Variants in COL24A1 observed in about 807,000 individuals in gnomAD.
COL24A1 encodes the protein collagen alpha-1(XXIV) chain.
A neutral mutation model predicts 253.9 loss-of-function variants in COL24A1; 224 were observed. That is an observed-to-expected ratio of 0.88 (90% CI 0.79 to 0.99). The LOEUF (loss-of-function observed/expected upper bound fraction) is 0.99. Among genes scored for constraint, COL24A1 ranks in the 50% least tolerant of loss-of-function variants. COL24A1 has a pLI of 0.00. For missense variants in COL24A1, 2,131 were observed against 2,068.5 expected (o/e 1.03, Z -0.59); for synonymous variants, 685 against 673.7 (o/e 1.02, Z -0.26).
At chr1:85,938,529 G>T (rs55890217) in intron 24 of COL24A1, among the ~76,000 whole-genome samples, 2 of 146,338 alleles carry the variant, frequency 1.4e-5, no homozygotes, top group Non-Finnish European at 3.0e-5. Flanking sequence ...GCAGTGCTAG[G>T]GGCTGTAATT....
intron 18 of COL24A1, among the ~76,000 whole-genome samples, chr1:86,019,394 AT>A (rs60247166): frequency 0.68 from 101,095 of 147,782 alleles, 35,043 homozygotes; most frequent in East Asian, 0.83. Flanking sequence ...GGTTTCTACA[AT>A]TTTTTTTTTT....
At chr1:85,858,416 C>T (rs1678701726) in intron 37 of COL24A1, among the ~76,000 whole-genome samples, 1 of 151,872 alleles carries the variant, frequency 6.6e-6, no homozygotes, top group African/African-American at 2.4e-5. Flanking sequence ...TTTTTAAAAC[C>T]CCTTCTGCCT....
intron 24 of COL24A1, among the ~76,000 whole-genome samples, chr1:85,922,730 C>A (rs980568379): frequency 3.3e-5 from 5 of 152,138 alleles, no homozygotes; most frequent in Non-Finnish European, 7.4e-5. Flanking sequence ...ATTGTAAAGA[C>A]CATCAATGCT....
chr1:85,866,416 GA>G (rs1195926370), intron 37 of COL24A1, among the ~76,000 whole-genome samples: 3 of 152,078 alleles, frequency 2.0e-5, no homozygotes, highest in African/African-American at 7.2e-5. Flanking sequence ...AGGTTATTGG[GA>G]GGATTCTATG....
intron 24 of COL24A1, among the ~76,000 whole-genome samples, chr1:85,927,230 TGCGCGAGCCGAA>T (rs1191128037): frequency 6.6e-6 from 1 of 151,460 alleles, no homozygotes; most frequent in Non-Finnish European, 1.5e-5. Flanking sequence ...GTGCGCACCG[TGCGCGAGCCGAA>T]GCAGGGCAAG....
chr1:86,043,298 C>T (rs1699643118), intron 12 of COL24A1, among the ~76,000 whole-genome samples: 1 of 151,892 alleles, frequency 6.6e-6, no homozygotes, highest in Non-Finnish European at 1.5e-5. Context: ...ACCCAGAAAT[C>T]AAAACATATC....
At chr1:85,991,926 T>C (rs190671872) in intron 19 of COL24A1, among the ~76,000 whole-genome samples, 3 of 152,014 alleles carry the variant, frequency 2.0e-5, no homozygotes, top group Admixed American at 6.5e-5. Flanking sequence ...TATTTTTTAT[T>C]ATACTTTAAG....
At position 85,889,613 on chromosome 1, in the gene COL24A1, C is replaced by T. The variant is rs762052966; in HGVS notation, c.2923G>A (p.Gly975Ser). The T allele has an allele frequency of 6.2e-7, 1 of 1,612,898 alleles. No individual in the cohort carries two copies. The highest frequency in any genetic ancestry group is 8.5e-7 in the Non-Finnish European group (1 of 1,179,192). The change falls in exon 32 of 60, where the codon GGT (glycine) becomes AGT (serine). Residue 975 changes from glycine to serine, a missense_variant and splice_region_variant. Gly to Ser is a moderately conservative substitution (Grantham distance 56). Coordinates refer to ENST00000370571, the MANE Select transcript of COL24A1 (RefSeq NM_152890.7). Reference sequence around the variant, plus strand: ...GTACTTCCAGGCAATCCCTGTAAACCCTGGACAAATAAAGGCAATACTTGT... The same window carrying T: ...GTACTTCCAGGCAATCCCTGTAAACTCTGGACAAATAAAGGCAATACTTGT... ...PGERGFQGKP[G>S]LQGLPGSTGD...
chr1:85,834,008 C>G (rs1461176998), intron 43 of COL24A1, among the ~76,000 whole-genome samples: 6 of 150,686 alleles, frequency 4.0e-5, no homozygotes, highest in Admixed American at 1.3e-4. Flanking sequence ...GGAGCTATAC[C>G]TAATGCTAAA....
intron 56 of COL24A1, among the ~76,000 whole-genome samples, chr1:85,745,131 A>AAT (rs1665069546): frequency 1.3e-5 from 2 of 152,114 alleles, no homozygotes; most frequent in African/African-American, 2.4e-5. Flanking sequence ...GAGTAGTGAT[A>AAT]ATATATATAT....
chr1:85,926,226 G>A (rs940630136), intron 24 of COL24A1, among the ~76,000 whole-genome samples: 106 of 152,184 alleles, frequency 7.0e-4, no homozygotes, highest in African/African-American at 2.4e-3. Context: ...CACTGCTGGT[G>A]GGAGTGTAAA....
At chr1:86,099,628 A>G (rs1028788707) in intron 5 of COL24A1, among the ~76,000 whole-genome samples, 19 of 152,138 alleles carry the variant, frequency 1.2e-4, no homozygotes, top group African/African-American at 4.6e-4. Context: ...CTTTCACACT[A>G]TATATGTAAT....
chr1:86,055,821 T>C (rs1028937753), intron 10 of COL24A1, among the ~76,000 whole-genome samples: 2 of 151,988 alleles, frequency 1.3e-5, no homozygotes, highest in Non-Finnish European at 2.9e-5. Flanking sequence ...GTCACAAAGC[T>C]AGTAAAAGAA....
rs367847188 is a variant in COL24A1 at position 85,896,061 on chromosome 1, T to G, written c.2837A>C (p.Glu946Ala). ...CCCTCTTTTTCCTTGATCTCCTTTT[T>G]CACCCTAACAAAGTATCAAAGCCAG... Reference protein sequence around the residue: ...GEQGIQGAKGEKGDQGKRGPH... With the variant: ...GEQGIQGAKGAKGDQGKRGPH... Residue 946 changes from glutamate (E) to alanine (A), a missense_variant, in exon 30 of 60, where the codon GAA (glutamate) becomes GCA (alanine). By Grantham distance (107) the Glu-to-Ala change is moderately radical. Transcript: ENST00000370571. 3.1e-5 allele frequency: 50 copies of G among 1,613,058 alleles called. No individual in the cohort carries two copies. In the African/African-American group the frequency reaches 4.3e-4, roughly 14 times the overall value.
chr1:86,115,007 A>G (rs1244729923), intron 4 of COL24A1, among the ~76,000 whole-genome samples: 1 of 152,188 alleles, frequency 6.6e-6, no homozygotes, highest in African/African-American at 2.4e-5. Flanking sequence ...TCCCCAAACA[A>G]ATGAATCTCA....
intron 24 of COL24A1, among the ~76,000 whole-genome samples, chr1:85,912,344 CA>C (rs1227928770): frequency 1.3e-5 from 2 of 152,026 alleles, no homozygotes; most frequent in Non-Finnish European, 2.9e-5. Context: ...GTACAGAAAG[CA>C]AAAAGAATAA....
intron 7 of COL24A1, among the ~76,000 whole-genome samples, chr1:86,066,687 T>C (rs1287087255): frequency 3.3e-5 from 5 of 152,214 alleles, no homozygotes; most frequent in Admixed American, 6.5e-5. Context: ...ACTAGCCATA[T>C]TGTGAACCTC....
chr1:85,900,914 G>A (rs1182432372), intron 28 of COL24A1, among the ~76,000 whole-genome samples: 1 of 152,100 alleles, frequency 6.6e-6, no homozygotes, highest in Non-Finnish European at 1.5e-5. Flanking sequence ...AACCCAAAAT[G>A]TATTAAAGAC....
chr1:85,891,636 T>C (rs983888248), intron 31 of COL24A1, among the ~76,000 whole-genome samples: 1 of 152,194 alleles, frequency 6.6e-6, no homozygotes, highest in African/African-American at 2.4e-5. Context: ...ATATGGTGCC[T>C]ATTTACTCCA....
Sources: gnomAD v4.1 joint callset for allele counts (sites outside exome capture counted in the v4.1 genomes callset) on GRCh38, gnomAD v4.1.1 for gene constraint, MANE v1.5 for transcripts, NCBI Gene and HGNC (gene_info 2026-07-23, HGNC 2026-07-21) for gene names.